GPR148: variants seen among roughly 807,000 people sequenced by gnomAD.
GPR148 encodes G protein-coupled receptor 148.
For synonymous variants in GPR148, 173 were observed against 187.9 expected, an observed-to-expected ratio of 0.92 and a Z score of 0.65; for missense variants, 424 against 435.3, an observed-to-expected ratio of 0.97 and a Z score of 0.23.
chr2:130,730,061 A>G lies in GPR148; in HGVS notation c.910A>G (p.Asn304Asp). The G allele has an allele frequency of 6.3e-7, 1 of 1,599,550 alleles. No individual in the cohort carries two copies. Among genetic ancestry groups the G allele is most frequent in the Non-Finnish European group, 8.5e-7 (1 of 1,172,294 alleles). Reference protein sequence around the residue: ...SGTHTWLLAANSEVLMMLPRA... With the variant: ...SGTHTWLLAADSEVLMMLPRA... ...GACTCACACATGGCTCCTGGCAGCT[A>G]ACAGTGAGGTACTCATGATGCTTCC... Residue 304 changes from asparagine to aspartate, a missense_variant, in exon 1 of 1, where the codon AAC becomes GAC. Physicochemically the swap from Asn to Asp is conservative, Grantham distance 23. Transcript: ENST00000309926.
rs747584101 is a variant in GPR148, at chr2:130,729,588, C to T, written c.437C>T (p.Thr146Ile). The T allele has an allele frequency of 3.4e-5, 55 of 1,614,100 alleles. 2 individuals are homozygous for T. The South Asian group carries it at 5.8e-4, about 17-fold the overall frequency. ...ILSFTAIVLH[T>I]YLAVIHPLRY... is the part of the protein sequence containing the mutation. ...TCCTTCACCGCCATTGTGCTGCACACCTACCTGGCAGTCATCCATCCACTG... is the reference window on the plus strand; with the variant it reads ...TCCTTCACCGCCATTGTGCTGCACATCTACCTGGCAGTCATCCATCCACTG... The change falls in exon 1 of 1, where the codon ACC becomes ATC. Residue 146 changes from threonine to isoleucine, a missense_variant. Transcript: ENST00000309926.
rs774003027 is a variant in GPR148 at position 130,729,532 on chromosome 2, T to C, written c.381T>C (p.Ala127=). 6.2e-7 allele frequency: 1 copy of C among 1,614,094 alleles called. No individual in the cohort carries two copies. The highest frequency in any genetic ancestry group is 1.3e-5 in the African/African-American group (1 of 74,960). The change falls in exon 1 of 1, where the codon GCT becomes GCC. Residue 127 remains alanine (A), a synonymous_variant. Coordinates refer to ENST00000309926, the MANE Select transcript of GPR148 (RefSeq NM_207364.2). ...GRMACGILTD[A]VFAACTSTIL... ...TGGCCTGTGGCATTCTCACTGATGC[T>C]GTCTTCGCCGCCTGCACCAGCACCA...
At position 130,729,824 on chromosome 2, in the gene GPR148, C is replaced by T. The variant is rs1190823696; in HGVS notation, c.673C>T (p.Leu225=). The change falls in exon 1 of 1, where the codon CTG becomes TTG. Residue 225 remains leucine, a synonymous_variant. Coordinates refer to ENST00000309926, the MANE Select transcript of GPR148 (RefSeq NM_207364.2). ...GGTCATTGTTACCTACACCTCCATT[C>T]TGTGCGTTCTGTTCCTCTGCACAGC... is the stretch of plus-strand genomic sequence containing the variant. The part of the protein sequence containing the change: ...LLVIVTYTSI[L]CVLFLCTALI... The T allele has an allele frequency of 1.2e-6, 2 of 1,602,766 alleles. No individual in the cohort carries two copies. Among genetic ancestry groups the T allele is most frequent in the East Asian group, 2.2e-5 (1 of 44,698 alleles).
In GPR148 at chr2:130,730,132, G is replaced by T; in HGVS notation, c.981G>T (p.Leu327=). The T allele has an allele frequency of 6.2e-7, 1 of 1,613,772 alleles. No homozygotes were observed. Residue 327 remains leucine (L), a synonymous_variant, in exon 1 of 1, where the codon CTG becomes CTT. Coordinates refer to ENST00000309926, the MANE Select transcript of GPR148 (RefSeq NM_207364.2). The stretch of plus-strand genomic sequence containing the variant: ...TGTACCTGCTCCGCTACCGGCAGCT[G>T]TTGGGCATGGTCCGGGGCCACCTCC... The part of the protein sequence containing the change: ...TYLYLLRYRQ[L]LGMVRGHLPS...
At chr2:130,729,829 C>A in the GPR148 span, 5 of 1,600,950 alleles carry the variant, frequency 3.1e-6, no homozygotes, top group African/African-American at 5.3e-5. Context: ...CCATTCTGTG[C>A]GTTCTGTTCC....
rs1204994562 is a variant in GPR148 at position 130,729,138 on chromosome 2, C to T, written c.-14C>T. 1 of 1,519,012 alleles carries T rather than the reference C, an allele frequency of 6.6e-7. No homozygotes were observed. Among genetic ancestry groups the T allele is most frequent in the Non-Finnish European group, 8.8e-7 (1 of 1,134,282 alleles). The allele number at this position is 1,519,012 out of a possible 1,614,324, so 94.1% of individuals were successfully genotyped here. ...AACAACCTGTGACAAAGCCAGCCAT[C>T]CCTGCCAGGAAGCATGGGGGATGAG... On this transcript the variant is annotated 5_prime_UTR_variant, in exon 1 of 1. Coordinates refer to ENST00000309926, the MANE Select transcript of GPR148 (RefSeq NM_207364.2).
rs1035465756 is a variant in GPR148 at position 130,729,701 on chromosome 2, A to T, written c.550A>T (p.Ile184Phe). Residue 184 changes from isoleucine to phenylalanine, a missense_variant, in exon 1 of 1, where the codon ATT (isoleucine) becomes TTT (phenylalanine). Physicochemically the swap from Ile to Phe is conservative, Grantham distance 21 (BLOSUM62 0). Transcript: ENST00000309926. ...GGCCTGCTGCTTCCCCACATTCCTT[A>T]TTTGGCTCAGCAAGTGGCAGGATGC... ...LVACCFPTFL[I>F]WLSKWQDAQL... 6.2e-7 allele frequency: 1 copy of T among 1,614,144 alleles called. No homozygotes were observed. The highest frequency in any genetic ancestry group is 8.5e-7 in the Non-Finnish European group (1 of 1,180,014).
Position 130,729,880 on chromosome 2 carries a change from T to C in GPR148, c.729T>C (p.Tyr243=), listed in dbSNP as rs761339340. Residue 243 remains tyrosine (Y), a synonymous_variant, in exon 1 of 1, where the codon TAT becomes TAC. Coordinates refer to ENST00000309926, the MANE Select transcript of GPR148 (RefSeq NM_207364.2). Reference sequence around the variant, plus strand: ...TTGCCAACTGTTTCTGGAGGATCTATGCAGAGGCCAAGACTTCAGGCATCT... The same window carrying C: ...TTGCCAACTGTTTCTGGAGGATCTACGCAGAGGCCAAGACTTCAGGCATCT... ...ALIANCFWRI[Y]AEAKTSGIWG... is the part of the protein sequence containing the mutation. 2.4e-5 allele frequency: 39 copies of C among 1,593,170 alleles called. No individual in the cohort carries two copies. The highest frequency in any genetic ancestry group is 1.0e-4 in the Admixed American group (6 of 58,794).
chr2:130,729,706 G>A, the GPR148 span: 37 of 1,614,126 alleles, frequency 2.3e-5, no homozygotes, highest in Non-Finnish European at 3.1e-5. Context: ...TCCTTATTTG[G>A]CTCAGCAAGT....
Position 130,730,269 on chromosome 2 carries a change from T to A in GPR148, c.*74T>A. 8.1e-7 allele frequency: 1 copy of A among 1,231,390 alleles called. No individual in the cohort carries two copies. Among genetic ancestry groups the A allele is most frequent in the Non-Finnish European group, 1.2e-6 (1 of 868,920 alleles). The allele number at this position is 1,231,390 out of a possible 1,614,324, so 76.3% of individuals were successfully genotyped here. On this transcript the variant is annotated 3_prime_UTR_variant, in exon 1 of 1. Transcript: ENST00000309926. Reference sequence around the variant, plus strand: ...GAATGCAGCAGTGTCCACTTATGACTAACTTCTTAGAACAGCACAATATAA... The same window carrying A: ...GAATGCAGCAGTGTCCACTTATGACAAACTTCTTAGAACAGCACAATATAA...
rs935392391 is a variant in GPR148 at position 130,729,855 on chromosome 2, T to C, written c.704T>C (p.Ile235Thr). The change falls in exon 1 of 1, where the codon ATT (isoleucine) becomes ACT (threonine). Residue 235 changes from isoleucine to threonine, a missense_variant. Ile to Thr is a moderately conservative substitution (Grantham distance 89). Coordinates refer to ENST00000309926, the MANE Select transcript of GPR148 (RefSeq NM_207364.2). ...GTTCTGTTCCTCTGCACAGCTCTCA[T>C]TGCCAACTGTTTCTGGAGGATCTAT... Reference protein sequence around the residue: ...LCVLFLCTALIANCFWRIYAE... With the variant: ...LCVLFLCTALTANCFWRIYAE... The C allele has an allele frequency of 2.5e-6, 4 of 1,593,132 alleles. No individual in the cohort carries two copies. Among genetic ancestry groups the C allele is most frequent in the South Asian group, 1.1e-5 (1 of 87,414 alleles).
At position 130,730,304 on chromosome 2, in the gene GPR148, T is replaced by A. The variant is rs1206282361; in HGVS notation, c.*109T>A. 1.1e-6 allele frequency: 1 copy of A among 884,330 alleles called. No homozygotes were observed. Among genetic ancestry groups the A allele is most frequent in the South Asian group, 1.8e-5 (1 of 55,536 alleles). The allele number at this position is 884,330 out of a possible 1,614,324, so 54.8% of individuals were successfully genotyped here. ...GAACAGCACAATATAATAGTGGAATTGGGCCTTTCAGAAGACCTCAACTGA... is the reference window on the plus strand; with the variant it reads ...GAACAGCACAATATAATAGTGGAATAGGGCCTTTCAGAAGACCTCAACTGA... On this transcript the variant is annotated 3_prime_UTR_variant, in exon 1 of 1. Coordinates refer to ENST00000309926, the MANE Select transcript of GPR148 (RefSeq NM_207364.2).
Position 130,730,255 on chromosome 2 carries a change from T to C in GPR148, c.*60T>C, listed in dbSNP as rs149330470. 1.3e-5 allele frequency: 18 copies of C among 1,355,998 alleles called. No individual in the cohort carries two copies. In the African/African-American group the frequency reaches 2.2e-4, roughly 16 times the overall value. 84.0% of individuals were successfully genotyped at this position (1,355,998 alleles called of 1,614,324 possible). On this transcript the variant is annotated 3_prime_UTR_variant, in exon 1 of 1. Coordinates refer to ENST00000309926, the MANE Select transcript of GPR148 (RefSeq NM_207364.2). ...AAAAATCATATGTTGAATGCAGCAGTGTCCACTTATGACTAACTTCTTAGA... is the reference window on the plus strand; with the variant it reads ...AAAAATCATATGTTGAATGCAGCAGCGTCCACTTATGACTAACTTCTTAGA...
chr2:130,729,256 T>C lies in GPR148; in HGVS notation c.105T>C (p.Thr35=). 6.2e-7 allele frequency: 1 copy of C among 1,610,762 alleles called. No homozygotes were observed. The highest frequency in any genetic ancestry group is 8.5e-7 in the Non-Finnish European group (1 of 1,177,776). Reference sequence around the variant, plus strand: ...GCATGCCCCAAGCAGCCAGCAACACTTCCTTGGGCCTGGGGGACCTCAGGG... The same window carrying C: ...GCATGCCCCAAGCAGCCAGCAACACCTCCTTGGGCCTGGGGGACCTCAGGG... ...TPCMPQAASN[T]SLGLGDLRVP... Residue 35 remains threonine (T), a synonymous_variant, in exon 1 of 1, where the codon ACT becomes ACC. Coordinates refer to ENST00000309926, the MANE Select transcript of GPR148 (RefSeq NM_207364.2).
In GPR148 at chr2:130,729,815, A is replaced by G. The variant is rs1456350843; in HGVS notation, c.664A>G (p.Thr222Ala). ...GCGLLVIVTY[T>A]SILCVLFLCT... is the part of the protein sequence containing the mutation. ...TGGCCTCCTGGTCATTGTTACCTAC[A>G]CCTCCATTCTGTGCGTTCTGTTCCT... Residue 222 changes from threonine (T) to alanine (A), a missense_variant, in exon 1 of 1, where the codon ACC becomes GCC. Transcript: ENST00000309926. 33 of 1,605,198 alleles carry G rather than the reference A, an allele frequency of 2.1e-5. No individual in the cohort carries two copies. Among genetic ancestry groups the G allele is most frequent in the Non-Finnish European group, 2.7e-5 (32 of 1,173,812 alleles).
At position 130,730,015 on chromosome 2, in the gene GPR148, G is replaced by T. The variant is rs574976418; in HGVS notation, c.864G>T (p.Arg288Ser). ...VVFSLDMVLT[R>S]YHHIDSGTHT... ...TCTCCCTGGACATGGTGCTGACCAG[G>T]TACCACCACATTGACTCTGGGACTC... Residue 288 changes from arginine (R) to serine (S), a missense_variant, in exon 1 of 1, where the codon AGG becomes AGT. Arg to Ser is a moderately radical substitution (Grantham distance 110). Coordinates refer to ENST00000309926, the MANE Select transcript of GPR148 (RefSeq NM_207364.2). 24 of 1,575,466 alleles carry T rather than the reference G, an allele frequency of 1.5e-5. No homozygotes were observed. The African/African-American group carries it at 3.0e-4, about 19-fold the overall frequency.
chr2:130,729,174 G>A lies in GPR148; in HGVS notation c.23G>A (p.Cys8Tyr). Reference sequence around the variant, plus strand: ...AGCATGGGGGATGAGCTGGCACCTTGCCCTGTGGGCACTACAGCTTGGCCG... The same window carrying A: ...AGCATGGGGGATGAGCTGGCACCTTACCCTGTGGGCACTACAGCTTGGCCG... MGDELAPCPVGTTAWPAL... is the reference protein window; with the variant it reads MGDELAPYPVGTTAWPAL... The change falls in exon 1 of 1, where the codon TGC becomes TAC. Residue 8 changes from cysteine to tyrosine, a missense_variant. Physicochemically the swap from Cys to Tyr is radical, Grantham distance 194. Transcript: ENST00000309926. 1 of 1,540,696 alleles carries A rather than the reference G, an allele frequency of 6.5e-7. No homozygotes were observed. Among genetic ancestry groups the A allele is most frequent in the Non-Finnish European group, 8.8e-7 (1 of 1,142,460 alleles).
rs1285538099 is a variant in GPR148, at chr2:130,729,404, C to T, written c.253C>T (p.His85Tyr). The change falls in exon 1 of 1, where the codon CAC (histidine) becomes TAC (tyrosine). Residue 85 changes from histidine to tyrosine, a missense_variant. Transcript: ENST00000309926. ...LRNQRLRQEP[H>Y]YLLPANILLS... ...GAACCAACGGCTGCGACAGGAGCCC[C>T]ACTACCTGCTCCCGGCTAACATCCT... The T allele has an allele frequency of 6.2e-7, 1 of 1,614,144 alleles. No individual in the cohort carries two copies. Among genetic ancestry groups the T allele is most frequent in the Non-Finnish European group, 8.5e-7 (1 of 1,180,048 alleles).
Position 130,729,356 on chromosome 2 carries a change from C to G in GPR148, c.205C>G (p.Leu69Val), listed in dbSNP as rs201807263. ...LAAATLAVSP[L>V]LLVTILRNQR... is the part of the protein sequence containing the mutation. ...TGCAGCCACACTGGCTGTCAGCCCCCTGCTGCTGGTGACCATCCTGCGGAA... is the reference window on the plus strand; with the variant it reads ...TGCAGCCACACTGGCTGTCAGCCCCGTGCTGCTGGTGACCATCCTGCGGAA... The change falls in exon 1 of 1, where the codon CTG (leucine) becomes GTG (valine). Residue 69 changes from leucine to valine, a missense_variant. Transcript: ENST00000309926. 371 of 1,613,352 alleles carry G rather than the reference C, an allele frequency of 2.3e-4. 5 individuals are homozygous for G. The South Asian group carries it at 2.7e-3, about 12-fold the overall frequency.
Sources: allele counts gnomAD v4.1 joint callset, GRCh38; gene constraint gnomAD v4.1.1; transcripts MANE v1.5; gene names NCBI Gene and HGNC (gene_info 2026-07-23, HGNC 2026-07-21).